Variants in THSD7B observed in about 807,000 individuals in gnomAD.
THSD7B encodes thrombospondin type 1 domain containing 7B, also known as thrombospondin type-1 domain-containing protein 7B.
In THSD7B, 138 loss-of-function variants were observed where a neutral mutation model predicts 213.6. The ratio of observed to expected loss-of-function variants is 0.65; its 90% CI spans 0.56 to 0.74. The LOEUF (loss-of-function observed/expected upper bound fraction) is 0.74. Ranked by LOEUF, THSD7B falls within the 30% of genes least tolerant of loss-of-function variation. The pLI is 0.00. For synonymous variants in THSD7B, 742 were observed against 687.0 expected (o/e 1.08, Z -1.25); for missense variants, 1,931 against 1,991.5 (o/e 0.97, Z 0.58).
chr2:136,798,756 G>A (rs2710182), intron 1 of THSD7B, among the ~76,000 whole-genome samples: 20,932 of 151,822 alleles, frequency 0.14, 1,663 homozygotes, highest in African/African-American at 0.2. Context: ...CTTTCTCTGT[G>A]GAACTTAGTT....
chr2:137,074,810 G>A (rs1374170084), intron 3 of THSD7B, among the ~76,000 whole-genome samples: 1 of 152,136 alleles, frequency 6.6e-6, no homozygotes, highest in African/African-American at 2.4e-5. Context: ...GCATTTGCTT[G>A]TCTGTAAAGG....
chr2:137,643,478 G>A (rs1370919705), intron 21 of THSD7B, among the ~76,000 whole-genome samples: 1 of 152,064 alleles, frequency 6.6e-6, no homozygotes, highest in Non-Finnish European at 1.5e-5. Context: ...AGGTCCCAGA[G>A]GAATAAAAAT....
chr2:137,532,100 G>A (rs79666024), intron 15 of THSD7B, among the ~76,000 whole-genome samples: 35 of 151,830 alleles, frequency 2.3e-4, no homozygotes, highest in Middle Eastern at 3.4e-3. Context: ...AGTTAATTGC[G>A]TAACATGATA....
intron 1 of THSD7B, among the ~76,000 whole-genome samples, chr2:136,800,058 G>C (rs1290553188): frequency 6.6e-6 from 1 of 151,922 alleles, no homozygotes; most frequent in Non-Finnish European, 1.5e-5. Flanking sequence ...TCTGATATGT[G>C]ATGCTTTATA....
chr2:137,361,374 G>T (rs1437540935), intron 12 of THSD7B, among the ~76,000 whole-genome samples: 1 of 152,216 alleles, frequency 6.6e-6, no homozygotes, highest in Non-Finnish European at 1.5e-5. Flanking sequence ...GCTAGATGAA[G>T]AATGACTTTG....
chr2:137,670,482 A>T (rs1683538605), intron 27 of THSD7B, among the ~76,000 whole-genome samples: 1 of 19,114 alleles, frequency 5.2e-5, no homozygotes, highest in Non-Finnish European at 2.5e-4. Flanking sequence ...AAAATTTTTT[A>T]AAATAGAAAA....
At chr2:137,257,273 G>A (rs930620356) in intron 10 of THSD7B, among the ~76,000 whole-genome samples, 2 of 152,150 alleles carry the variant, frequency 1.3e-5, no homozygotes, top group African/African-American at 4.8e-5. Context: ...TCATGACCTG[G>A]AGTGTGCTCA....
chr2:137,102,666 G>C (rs919175919), intron 4 of THSD7B, among the ~76,000 whole-genome samples: 10 of 152,108 alleles, frequency 6.6e-5, no homozygotes, highest in African/African-American at 2.4e-4. Context: ...TCACTAACTA[G>C]AATAACCAGT....
intron 12 of THSD7B, among the ~76,000 whole-genome samples, chr2:137,297,109 G>A (rs1212005054): frequency 2.0e-5 from 3 of 147,808 alleles, no homozygotes; most frequent in African/African-American, 7.6e-5. Context: ...GTGAATATTG[G>A]AGGGGGGTCC....
At chr2:137,044,252 T>C (rs1686930815) in intron 2 of THSD7B, among the ~76,000 whole-genome samples, 1 of 152,178 alleles carries the variant, frequency 6.6e-6, no homozygotes, top group Non-Finnish European at 1.5e-5. Context: ...TCACCCCCTT[T>C]TCATTTATTC....
At chr2:137,300,664 A>T (rs892708768) in intron 12 of THSD7B, among the ~76,000 whole-genome samples, 7 of 152,188 alleles carry the variant, frequency 4.6e-5, no homozygotes, top group African/African-American at 1.4e-4. Context: ...ATACGAATTC[A>T]TGAGAGGATG....
chr2:137,305,398 A>G (rs906159631), intron 12 of THSD7B, among the ~76,000 whole-genome samples: 48 of 152,138 alleles, frequency 3.2e-4, no homozygotes, highest in African/African-American at 1.2e-3. Flanking sequence ...GCAGTCAGGA[A>G]GAGAATGTCA....
At chr2:137,066,375 G>A (rs1687382126) in intron 3 of THSD7B, among the ~76,000 whole-genome samples, 1 of 151,746 alleles carries the variant, frequency 6.6e-6, no homozygotes, top group South Asian at 2.1e-4. Flanking sequence ...TGTATTTTTA[G>A]TAGAGACGGG....
In THSD7B at chr2:137,583,762, T is replaced by A. The variant is rs566544589; in HGVS notation, c.3423+11206T>A. ...TGTAGCCTTGTAGTATAGTTTGAAGTCAGGTAACGTGATGCCTCCAGCTTT... is the reference window on the plus strand; with the variant it reads ...TGTAGCCTTGTAGTATAGTTTGAAGACAGGTAACGTGATGCCTCCAGCTTT... On this transcript the variant is annotated intron_variant, in intron 17 of 27. Coordinates refer to ENST00000409968, the MANE Select transcript of THSD7B (RefSeq NM_001316349.2). Among the ~76,000 whole-genome samples the A allele has an allele frequency of 9.2e-5, 14 of 152,342 alleles. No homozygotes were observed. In the East Asian group the frequency reaches 2.3e-3, roughly 25 times the overall value.
chr2:137,563,155 AG>A, intron 15 of THSD7B, 65 bp from the exon 16 acceptor site: 2 of 1,548,028 alleles, frequency 1.3e-6, no homozygotes, highest in South Asian at 2.4e-5. Flanking sequence ...CATTACTAAA[AG>A]ATAGGCTATT....
chr2:137,250,717 T>C (rs541159245), intron 10 of THSD7B, among the ~76,000 whole-genome samples: 7 of 152,230 alleles, frequency 4.6e-5, no homozygotes, highest in Non-Finnish European at 1.0e-4. Flanking sequence ...TGAGGGAAGA[T>C]AGAGGAGTTG....
intron 2 of THSD7B, among the ~76,000 whole-genome samples, chr2:136,923,197 G>A (rs1684464147): frequency 6.6e-6 from 1 of 152,070 alleles, no homozygotes; most frequent in African/African-American, 2.4e-5. Context: ...TCATATGAGT[G>A]GAATCATACA....
intron 14 of THSD7B, among the ~76,000 whole-genome samples, chr2:137,429,718 G>T (rs1299537775): frequency 6.6e-6 from 1 of 152,166 alleles, no homozygotes; most frequent in African/African-American, 2.4e-5. Flanking sequence ...GTGCATTGTT[G>T]TTTGGCAATA....
intron 13 of THSD7B, among the ~76,000 whole-genome samples, chr2:137,409,532 G>A (rs554576686): frequency 6.6e-6 from 1 of 152,186 alleles, no homozygotes; most frequent in Admixed American, 6.5e-5. Flanking sequence ...TCAGTCTATG[G>A]ATTGGAAGCT....
Sources: gnomAD v4.1 joint callset for allele counts (sites outside exome capture counted in the v4.1 genomes callset) on GRCh38, gnomAD v4.1.1 for gene constraint, MANE v1.5 for transcripts, NCBI Gene and HGNC (gene_info 2026-07-23, HGNC 2026-07-21) for gene names.